Variants in TENM4 observed in about 807,000 individuals in gnomAD.
TENM4 encodes the protein teneurin transmembrane protein 4, also known as teneurin-4.
In TENM4, 82 loss-of-function variants were observed where a neutral mutation model predicts 243.3. The ratio of observed to expected loss-of-function variants is 0.34; its 90% CI spans 0.28 to 0.40. The LOEUF (loss-of-function observed/expected upper bound fraction) is 0.40. Among genes scored for constraint, TENM4 ranks in the 10% least tolerant of loss-of-function variants. TENM4 has a pLI of 1.00. For missense variants in TENM4, 3,138 were observed against 3,673.3 expected, an observed-to-expected ratio of 0.85 and a Z score of 3.77; for synonymous variants, 1,412 against 1,456.3, an observed-to-expected ratio of 0.97 and a Z score of 0.69.
At chr11:79,024,878 A>G (rs1021199124) in intron 6 of TENM4, among the ~76,000 whole-genome samples, 2 of 152,310 alleles carry the variant, frequency 1.3e-5, no homozygotes, top group Admixed American at 6.5e-5. Flanking sequence ...CCAGAAAGCA[A>G]TGGGTCTAGG....
At chr11:78,699,808 C>T (rs1422078709) in intron 28 of TENM4, among the ~76,000 whole-genome samples, 2 of 152,100 alleles carry the variant, frequency 1.3e-5, no homozygotes, top group Non-Finnish European at 2.9e-5. Flanking sequence ...TGTGAGCATT[C>T]GGTTTGGGAT....
intron 9 of TENM4, among the ~76,000 whole-genome samples, chr11:78,880,457 T>TAAAAAAAAAAAAAAAAAA (rs71763484): frequency 9.6e-6 from 1 of 104,646 alleles, no homozygotes; most frequent in African/African-American, 6.8e-5. Context: ...CAATAAATAC[T>TAAAAAAAAAAAAAAAAAA]AAAAAAAAAA....
chr11:78,661,966 C>G (rs1157731894), intron 32 of TENM4, among the ~76,000 whole-genome samples: 3 of 152,116 alleles, frequency 2.0e-5, no homozygotes, highest in Non-Finnish European at 1.5e-5. Context: ...GACAGCCAGA[C>G]CCACCAAAAG....
At chr11:79,244,474 C>T (rs1037502893) in intron 2 of TENM4, among the ~76,000 whole-genome samples, 5 of 151,594 alleles carry the variant, frequency 3.3e-5, no homozygotes, top group Admixed American at 6.6e-5. Context: ...TGTGGTGTGA[C>T]GAGTCTCCAA....
At chr11:78,769,358 C>T (rs940025710) in intron 18 of TENM4, among the ~76,000 whole-genome samples, 3 of 152,166 alleles carry the variant, frequency 2.0e-5, no homozygotes, top group Admixed American at 2.0e-4. Flanking sequence ...AGAGCCCTTT[C>T]CTTTCCGGGA....
At chr11:79,071,167 C>A (rs1860405287) in intron 4 of TENM4, among the ~76,000 whole-genome samples, 1 of 152,216 alleles carries the variant, frequency 6.6e-6, no homozygotes, top group South Asian at 2.1e-4. Flanking sequence ...GCAAACACAA[C>A]CATACAGGGC....
intron 3 of TENM4, among the ~76,000 whole-genome samples, chr11:79,204,615 A>C (rs573565642): frequency 1.3e-5 from 2 of 152,346 alleles, no homozygotes; most frequent in Admixed American, 1.3e-4. Context: ...ATGCAGAGCC[A>C]TAGATAGGCT....
intron 14 of TENM4, among the ~76,000 whole-genome samples, chr11:78,806,110 C>G (rs567663841): frequency 1.3e-5 from 2 of 151,640 alleles, no homozygotes; most frequent in African/African-American, 2.4e-5. Context: ...GGCAACACAG[C>G]GAGATCCTGT....
At chr11:79,405,871 A>C (rs1858559055) in intron 1 of TENM4, among the ~76,000 whole-genome samples, 1 of 148,584 alleles carries the variant, frequency 6.7e-6, no homozygotes, top group African/African-American at 2.5e-5. Context: ...AAAAAAAAAA[A>C]CAACTAGCTC....
At chr11:79,018,843 A>G (rs1858847378) in intron 6 of TENM4, among the ~76,000 whole-genome samples, 1 of 152,202 alleles carries the variant, frequency 6.6e-6, no homozygotes, top group African/African-American at 2.4e-5. Flanking sequence ...AGGGCTGGCA[A>G]AGATTATTAA....
At position 78,756,960 on chromosome 11, in the gene TENM4, C is replaced by T. The variant is rs12291278; in HGVS notation, c.2601G>A (p.Pro867=). ...CCLQPLCHIN[P]LCLGSPNPLD... ...GAGGGTTAGGGGAGCCAAGGCACAG[C>T]GGGTTGATATGGCACAGGGGCTGGA... Residue 867 remains proline (P), a synonymous_variant, in exon 19 of 34, where the codon CCG becomes CCA. Coordinates refer to ENST00000278550, the MANE Select transcript of TENM4 (RefSeq NM_001098816.3). 3.3e-3 allele frequency: 5,325 copies of T among 1,613,958 alleles called. 116 individuals are homozygous for T. In the African/African-American group the frequency reaches 0.054, roughly 16 times the overall value.
chr11:79,101,438 G>A (rs1466581198), intron 4 of TENM4, among the ~76,000 whole-genome samples: 1 of 152,212 alleles, frequency 6.6e-6, no homozygotes, highest in African/African-American at 2.4e-5. Flanking sequence ...GCATGCTCCA[G>A]GACTAACACA....
intron 2 of TENM4, among the ~76,000 whole-genome samples, chr11:79,248,432 C>T (rs1855556641): frequency 6.6e-6 from 1 of 152,154 alleles, no homozygotes; most frequent in Non-Finnish European, 1.5e-5. Context: ...TTTTGCTGGC[C>T]ACACAGAGTA....
At chr11:79,047,356 G>T (rs1046315077) in intron 6 of TENM4, among the ~76,000 whole-genome samples, 2 of 152,178 alleles carry the variant, frequency 1.3e-5, no homozygotes, top group African/African-American at 4.8e-5. Context: ...CACTGTTGTG[G>T]TGGAATACAA....
At chr11:79,139,774 T>C (rs1862241801) in intron 4 of TENM4, among the ~76,000 whole-genome samples, 2 of 35,940 alleles carry the variant, frequency 5.6e-5, no homozygotes, top group Non-Finnish European at 1.2e-4. Context: ...TATATAAATA[T>C]ATAATATATA....
chr11:79,201,218 C>CGTTTCTAACAGTAGT, intron 3 of TENM4, among the ~76,000 whole-genome samples: 1 of 152,152 alleles, frequency 6.6e-6, no homozygotes, highest in Non-Finnish European at 1.5e-5. Context: ...CTGAAAACTG[C>CGTTTCTAACAGTAGT]GTTTCTAACA....
chr11:78,657,956 T>C lies in TENM4; in HGVS notation c.*102A>G. 6.4e-7 allele frequency: 1 copy of C among 1,553,794 alleles called. No individual in the cohort carries two copies. Among genetic ancestry groups the C allele is most frequent in the Non-Finnish European group, 8.9e-7 (1 of 1,128,876 alleles). On this transcript the variant is annotated 3_prime_UTR_variant, in exon 34 of 34. Coordinates refer to ENST00000278550, the MANE Select transcript of TENM4 (RefSeq NM_001098816.3). ...ACAATGCAACCAGTATCTTTTTGTT[T>C]CTGCACTTGTTAAAAAATCATTTTT...
chr11:78,773,531 C>T (rs1555079102), intron 17 of TENM4, among the ~76,000 whole-genome samples: 2 of 152,040 alleles, frequency 1.3e-5, no homozygotes, highest in Non-Finnish European at 2.9e-5. Context: ...CACAGAAAGG[C>T]AAAATAGGAA....
At chr11:79,365,634 G>A (rs1565316523) in intron 1 of TENM4, among the ~76,000 whole-genome samples, 1 of 152,154 alleles carries the variant, frequency 6.6e-6, no homozygotes, top group African/African-American at 2.4e-5. Flanking sequence ...CTGCCCTTTG[G>A]AGCTTACACT....
Sources: gnomAD v4.1 joint callset for allele counts (sites outside exome capture counted in the v4.1 genomes callset) on GRCh38, gnomAD v4.1.1 for gene constraint, MANE v1.5 for transcripts, NCBI Gene and HGNC (gene_info 2026-07-23, HGNC 2026-07-21) for gene names.